Variants in ZNF184 observed in about 807,000 individuals in gnomAD.
The protein encoded by ZNF184 is zinc finger protein 184 (Kruppel-like).
A neutral mutation model predicts 54.4 loss-of-function variants in ZNF184; 16 were observed. The observed-to-expected ratio is 0.29, with a 90% CI of 0.20 to 0.45. The LOEUF is 0.45. Ranked by LOEUF, ZNF184 falls within the 20% of genes least tolerant of loss-of-function variation. ZNF184 has a pLI of 1.00. For synonymous variants in ZNF184, 254 were observed against 295.3 expected (o/e 0.86, Z 1.43); for missense variants, 681 against 888.2 (o/e 0.77, Z 2.97).
chr6:27,458,042 TATG>T (rs1762904429), intron 3 of ZNF184, among the ~76,000 whole-genome samples: 1 of 150,758 alleles, frequency 6.6e-6, no homozygotes, highest in Admixed American at 6.6e-5. Flanking sequence ...AACGACTGTC[TATG>T]AAAAAAAAAT....
At chr6:27,416,158 CAA>C in the ZNF184 span, among the ~76,000 whole-genome samples, 1 of 152,186 alleles carries the variant, frequency 6.6e-6, no homozygotes, top group Non-Finnish European at 1.5e-5. Flanking sequence ...TGATTATCTG[CAA>C]AGTCTATTTT....
the ZNF184 span, among the ~76,000 whole-genome samples, chr6:27,412,784 G>T: frequency 6.6e-6 from 1 of 152,276 alleles, no homozygotes; most frequent in Admixed American, 6.5e-5. Flanking sequence ...CATGGTGAGA[G>T]AATCACTTGA....
intron 2 of ZNF184, among the ~76,000 whole-genome samples, chr6:27,468,153 A>G (rs924479548): frequency 2.0e-5 from 3 of 152,242 alleles, no homozygotes; most frequent in Non-Finnish European, 4.4e-5. Flanking sequence ...CTTAGAAGTC[A>G]TATGTATTAT....
chr6:27,449,979 G>T (rs763868428), downstream of ZNF184, among the ~76,000 whole-genome samples: 5 of 152,180 alleles, frequency 3.3e-5, no homozygotes, highest in Non-Finnish European at 5.9e-5. Context: ...TCACCAAAGT[G>T]TAGTTAGATA....
chr6:27,471,228 G>A (rs1763267249), intron 2 of ZNF184, among the ~76,000 whole-genome samples: 1 of 152,108 alleles, frequency 6.6e-6, no homozygotes, highest in African/African-American at 2.4e-5. Flanking sequence ...CATCAAATCC[G>A]CTAGTGGCAT....
At chr6:27,458,408 C>T (rs750452777) in intron 3 of ZNF184, among the ~76,000 whole-genome samples, 4 of 149,154 alleles carry the variant, frequency 2.7e-5, no homozygotes, top group Non-Finnish European at 5.9e-5. Flanking sequence ...CCAGAATATA[C>T]TCAAATCAAC....
At chr6:27,442,505 C>G in the ZNF184 span, among the ~76,000 whole-genome samples, 1 of 151,930 alleles carries the variant, frequency 6.6e-6, no homozygotes, top group Non-Finnish European at 1.5e-5. Context: ...CCTGTAGTCT[C>G]TGCTAGTCAG....
chr6:27,457,290 G>A lies in ZNF184; in HGVS notation c.195C>T (p.Val65=), dbSNP rs1762880896. 9 of 1,613,828 alleles carry A rather than the reference G, an allele frequency of 5.6e-6. No homozygotes were observed. Among genetic ancestry groups the A allele is most frequent in the Non-Finnish European group, 7.6e-6 (9 of 1,179,952 alleles). ...CAGAGAAATTATCCTTACCTATAGA[G>A]ACCAGGTGTGTATAATTTTCCAATG... The part of the protein sequence containing the change: ...DVTLENYTHL[V]SIGLQVSKPD... The change falls in exon 4 of 6, where the codon GTC becomes GTT. Residue 65 remains valine (V), a synonymous_variant. Transcript: ENST00000683788.
At chr6:27,422,945 C>A in the ZNF184 span, among the ~76,000 whole-genome samples, 1 of 152,182 alleles carries the variant, frequency 6.6e-6, no homozygotes, top group South Asian at 2.1e-4. Flanking sequence ...GATCCTAGGT[C>A]CCGCATCCCC....
At chr6:27,435,246 G>T in the ZNF184 span, among the ~76,000 whole-genome samples, 2 of 152,020 alleles carry the variant, frequency 1.3e-5, no homozygotes, top group African/African-American at 4.8e-5. Context: ...TTCGGATGAC[G>T]TTTTTCTGTT....
At chr6:27,447,072 CAAAAAAAA>C (rs1321698681), downstream of ZNF184, among the ~76,000 whole-genome samples, 1 of 32,020 alleles carries the variant, frequency 3.1e-5, no homozygotes, top group Non-Finnish European at 1.2e-4. Flanking sequence ...CCACTGCAAT[CAAAAAAAA>C]AAAAAAAAAA....
At position 27,451,622 on chromosome 6, in the gene ZNF184, T is replaced by C. The variant is rs779324405; in HGVS notation, c.1937A>G (p.Lys646Arg). ...GCTCTGGCTAAAGGTCTTTTCACAT[T>C]TATTACACTGGTAGGGTTTTTCTTC... is the stretch of plus-strand genomic sequence containing the variant. Reference protein sequence around the residue: ...HTEEKPYQCNKCEKTFSQSSH... With the variant: ...HTEEKPYQCNRCEKTFSQSSH... Residue 646 changes from lysine to arginine, a missense_variant, in exon 6 of 6, where the codon AAA (lysine) becomes AGA (arginine). Transcript: ENST00000683788. 1 of 1,614,148 alleles carries C rather than the reference T, an allele frequency of 6.2e-7. No individual in the cohort carries two copies. Among genetic ancestry groups the C allele is most frequent in the South Asian group, 1.1e-5 (1 of 91,078 alleles).
chr6:27,437,592 GA>G, the ZNF184 span, among the ~76,000 whole-genome samples: 3 of 152,202 alleles, frequency 2.0e-5, no homozygotes, highest in African/African-American at 7.2e-5. Flanking sequence ...CTGACCTACA[GA>G]ACTGTGAACT....
At chr6:27,442,812 G>A in the ZNF184 span, among the ~76,000 whole-genome samples, 5 of 52,670 alleles carry the variant, frequency 9.5e-5, no homozygotes, top group South Asian at 1.1e-3. Context: ...GAGAAAGAAA[G>A]AGAAAGAAAG....
At chr6:27,420,363 A>T in the ZNF184 span, among the ~76,000 whole-genome samples, 3 of 152,136 alleles carry the variant, frequency 2.0e-5, no homozygotes, top group African/African-American at 7.2e-5. Flanking sequence ...GCTAAGAGTC[A>T]GTTTCTTTCA....
chr6:27,407,568 A>G, the ZNF184 span: 1 of 478,926 alleles, frequency 2.1e-6, no homozygotes, highest in South Asian at 2.1e-5. Context: ...TATACCTTTT[A>G]CAGACAATAG....
chr6:27,423,080 T>C, the ZNF184 span, among the ~76,000 whole-genome samples: 1 of 152,256 alleles, frequency 6.6e-6, no homozygotes, highest in African/African-American at 2.4e-5. Context: ...TCCTCCTCTT[T>C]GCGCTGCCTC....
chr6:27,412,485 T>C, the ZNF184 span, among the ~76,000 whole-genome samples: 1 of 152,232 alleles, frequency 6.6e-6, no homozygotes. Context: ...TTCTCCTTAG[T>C]ACTTCCCCTT....
chr6:27,424,917 A>T, the ZNF184 span, among the ~76,000 whole-genome samples: 7 of 152,272 alleles, frequency 4.6e-5, no homozygotes, highest in African/African-American at 1.7e-4. Flanking sequence ...ACAGGAGCCC[A>T]TGGAGGGGGT....
Sources: gnomAD v4.1 joint callset for allele counts (sites outside exome capture counted in the v4.1 genomes callset) on GRCh38, gnomAD v4.1.1 for gene constraint, MANE v1.5 for transcripts, NCBI Gene and HGNC (gene_info 2026-07-23, HGNC 2026-07-21) for gene names.